The following DIP2C variants were observed in gnomAD, a reference collection of about 807,000 sequenced individuals.
DIP2C encodes the protein DIP2 acetate--CoA ligase C (putative).
In DIP2C, 33 loss-of-function variants were observed where a neutral mutation model predicts 192.4. The ratio of observed to expected loss-of-function variants is 0.17; its 90% CI spans 0.13 to 0.23. DIP2C has a LOEUF of 0.23. Among genes scored for constraint, DIP2C ranks in the 10% least tolerant of loss-of-function variants. DIP2C has a pLI of 1.00. For synonymous variants in DIP2C, 979 were observed against 864.1 expected (o/e 1.13, Z -2.33); for missense variants, 1,537 against 2,110.1 (o/e 0.73, Z 5.32).
intron 1 of DIP2C, among the ~76,000 whole-genome samples, chr10:568,421 T>C (rs1366556873): frequency 6.6e-6 from 1 of 152,072 alleles, no homozygotes. Context: ...TCATCCAAGA[T>C]CAGTAGAAGG....
chr10:685,147 A>T (rs1564340888), intron 1 of DIP2C, among the ~76,000 whole-genome samples: 4 of 62,562 alleles, frequency 6.4e-5, no homozygotes, highest in African/African-American at 3.2e-4. Context: ...AAAAAAAAAA[A>T]AAAAAAAAAA....
chr10:642,535 C>T (rs938348926), intron 1 of DIP2C, among the ~76,000 whole-genome samples: 1 of 152,274 alleles, frequency 6.6e-6, no homozygotes, highest in African/African-American at 2.4e-5. Context: ...GCTTCACCCT[C>T]CTAACACATT....
intron 1 of DIP2C, among the ~76,000 whole-genome samples, chr10:504,173 A>G (rs1218317619): frequency 6.6e-6 from 1 of 152,168 alleles, no homozygotes; most frequent in Non-Finnish European, 1.5e-5. Context: ...ATTTATCCCC[A>G]TCTCCTTGGG....
chr10:500,232 G>A (rs993363962), intron 1 of DIP2C, among the ~76,000 whole-genome samples: 1 of 152,252 alleles, frequency 6.6e-6, no homozygotes, highest in Non-Finnish European at 1.5e-5. Flanking sequence ...GGTGGGTTCA[G>A]AGCCAACCCC....
chr10:431,936 G>A (rs1966860545), intron 4 of DIP2C, among the ~76,000 whole-genome samples: 2 of 152,170 alleles, frequency 1.3e-5, no homozygotes, highest in Non-Finnish European at 2.9e-5. Flanking sequence ...TTCCTAGTTT[G>A]CTGGGAGCTT....
intron 1 of DIP2C, among the ~76,000 whole-genome samples, chr10:580,099 G>C (rs146352138): frequency 6.6e-6 from 1 of 152,090 alleles, no homozygotes; most frequent in Non-Finnish European, 1.5e-5. Context: ...ATGCACATTT[G>C]TATGTACATA....
chr10:569,763 C>T (rs1849669830), intron 1 of DIP2C, among the ~76,000 whole-genome samples: 1 of 152,136 alleles, frequency 6.6e-6, no homozygotes, highest in South Asian at 2.1e-4. Context: ...GCCCTCCTAC[C>T]CACAAAGGCA....
chr10:650,310 C>T (rs1423171160), intron 1 of DIP2C: 4 of 716,410 alleles, frequency 5.6e-6, no homozygotes, highest in South Asian at 3.0e-5. Flanking sequence ...CCATGGTGCC[C>T]GGGGCTGTGG....
Position 435,963 on chromosome 10 carries a change from A to G in DIP2C, c.394+4908T>C, listed in dbSNP as rs1031209292. Reference sequence around the variant, plus strand: ...TTAAACCTACTTTGTAGCCTCATATATATATATAAATATATAAACAGGTAC... The same window carrying G: ...TTAAACCTACTTTGTAGCCTCATATGTATATATAAATATATAAACAGGTAC... On this transcript the variant is annotated intron_variant, in intron 4 of 36. Coordinates refer to ENST00000280886, the MANE Select transcript of DIP2C (RefSeq NM_014974.3). 3.3e-5 allele frequency among the ~76,000 whole-genome samples: 5 copies of G among 152,248 alleles called. No homozygotes were observed. The South Asian group carries it at 8.3e-4, about 25-fold the overall frequency.
At chr10:668,365 C>T (rs2132125708) in intron 1 of DIP2C, 1 of 152,250 alleles carries the variant, frequency 6.6e-6, no homozygotes, top group South Asian at 2.1e-4. Context: ...AACACTGATA[C>T]AACATACAAC....
chr10:388,486 G>T (rs1398009383), intron 13 of DIP2C, among the ~76,000 whole-genome samples: 2 of 152,228 alleles, frequency 1.3e-5, no homozygotes, highest in African/African-American at 4.8e-5. Context: ...CTAAAGTGTG[G>T]AGGATAATAG....
chr10:395,684 G>A (rs547864917), intron 10 of DIP2C, among the ~76,000 whole-genome samples: 9 of 152,308 alleles, frequency 5.9e-5, no homozygotes, highest in South Asian at 2.1e-4. Flanking sequence ...GCACAGAGAG[G>A]GCAAGACAGG....
chr10:650,660 CGT>C (rs1426886623), intron 1 of DIP2C: 2 of 619,150 alleles, frequency 3.2e-6, no homozygotes, highest in Non-Finnish European at 5.9e-6. Flanking sequence ...TTCCACAGCA[CGT>C]GAGCTGGCAA....
chr10:527,390 AG>A (rs747712895), intron 1 of DIP2C, among the ~76,000 whole-genome samples: 10 of 152,232 alleles, frequency 6.6e-5, no homozygotes, highest in Non-Finnish European at 1.2e-4. Flanking sequence ...CCTTGACTTC[AG>A]CCGCTGCTTT....
At chr10:330,670 GTAGGGTCTATGTTGCC>G in intron 29 of DIP2C, among the ~76,000 whole-genome samples, 1 of 149,812 alleles carries the variant, frequency 6.7e-6, no homozygotes. Flanking sequence ...TTTTTCAGTG[GTAGGGTCTATGTTGCC>G]TAGGCTCATC....
chr10:518,680 G>A (rs1038908411), intron 1 of DIP2C, among the ~76,000 whole-genome samples: 6 of 152,190 alleles, frequency 3.9e-5, no homozygotes, highest in African/African-American at 1.4e-4. Flanking sequence ...CCAGAACTGT[G>A]AGAAACAAAT....
intron 1 of DIP2C, chr10:661,976 G>C: frequency 1.4e-6 from 1 of 707,662 alleles, no homozygotes; most frequent in East Asian, 2.7e-5. Context: ...GAATCGCTCA[G>C]CTCACTGGCT....
At chr10:504,381 G>A (rs1023707109) in intron 1 of DIP2C, among the ~76,000 whole-genome samples, 35 of 152,160 alleles carry the variant, frequency 2.3e-4, no homozygotes, top group African/African-American at 7.9e-4. Flanking sequence ...CTGCTACCAT[G>A]GAACTATTCC....
chr10:449,917 C>CAAAAAAAAAA (rs1287942290), intron 3 of DIP2C, among the ~76,000 whole-genome samples: 215 of 22,518 alleles, frequency 9.5e-3, no homozygotes, highest in Non-Finnish European at 0.019. Context: ...CAGTCAACAA[C>CAAAAAAAAAA]AACAAAAAAA....
Sources: gnomAD v4.1 joint callset for allele counts (sites outside exome capture counted in the v4.1 genomes callset) on GRCh38, gnomAD v4.1.1 for gene constraint, MANE v1.5 for transcripts, NCBI Gene and HGNC (gene_info 2026-07-23, HGNC 2026-07-21) for gene names.